The following HEATR5A variants were observed in gnomAD, a reference collection of about 807,000 sequenced individuals.
HEATR5A encodes HEAT repeat-containing protein 5A.
A neutral mutation model predicts 218.8 loss-of-function variants in HEATR5A; 178 were observed. The observed-to-expected ratio is 0.81, with a 90% CI of 0.72 to 0.92. The LOEUF is 0.92. HEATR5A is among the 40% of genes least tolerant of loss of function. HEATR5A has a pLI of 0.00. For synonymous variants in HEATR5A, 864 were observed against 871.6 expected (o/e 0.99, Z 0.15); for missense variants, 2,420 against 2,418.9 (o/e 1.00, Z -0.01).
intron 33 of HEATR5A, chr14:31,297,083 CGA>C (rs949791024): frequency 6.6e-6 from 1 of 152,036 alleles, no homozygotes; most frequent in African/African-American, 2.4e-5. Context: ...GTCAGGGGTT[CGA>C]GACCAGCCTG....
intron 24 of HEATR5A, among the ~76,000 whole-genome samples, chr14:31,322,414 T>C (rs1441723662): frequency 6.6e-6 from 1 of 152,180 alleles, no homozygotes; most frequent in Non-Finnish European, 1.5e-5. Context: ...AATAAATGCA[T>C]ACTTAAAAAT....
chr14:31,336,427 A>G (rs953994779), intron 22 of HEATR5A, among the ~76,000 whole-genome samples: 1 of 151,636 alleles, frequency 6.6e-6, no homozygotes, highest in Non-Finnish European at 1.5e-5. Flanking sequence ...GACCTAAAAC[A>G]GTCCTCTCGC....
chr14:31,415,372 A>ACATAC (rs1423524926), intron 1 of HEATR5A, among the ~76,000 whole-genome samples: 79 of 152,294 alleles, frequency 5.2e-4, no homozygotes, highest in African/African-American at 1.8e-3. Context: ...AATACAGTAA[A>ACATAC]CATACCATCT....
At chr14:31,369,608 C>CAA (rs71430951) in intron 13 of HEATR5A, among the ~76,000 whole-genome samples, 13,294 of 45,106 alleles carry the variant, frequency 0.29, 3,758 homozygotes, top group Non-Finnish European at 0.36. Context: ...AAAACTGTCT[C>CAA]AAAAAAAAAA....
intron 1 of HEATR5A, among the ~76,000 whole-genome samples, chr14:31,405,908 A>G (rs888204761): frequency 1.3e-5 from 2 of 152,238 alleles, no homozygotes; most frequent in African/African-American, 4.8e-5. Context: ...TTGAGATCAT[A>G]AGCAGGTCAT....
intron 1 of HEATR5A, among the ~76,000 whole-genome samples, chr14:31,418,049 A>G (rs888528866): frequency 1.3e-5 from 2 of 151,526 alleles, no homozygotes; most frequent in Non-Finnish European, 2.9e-5. Flanking sequence ...CTCTACTAAA[A>G]ATACAAAAAT....
chr14:31,358,608 C>T (rs1463002859), intron 16 of HEATR5A, 29 bp downstream of exon 16: 2 of 1,589,394 alleles, frequency 1.3e-6, no homozygotes, highest in African/African-American at 1.3e-5. Context: ...TCTCTATTAT[C>T]CATTCACTGA....
chr14:31,409,522 A>C (rs1392254123), intron 1 of HEATR5A, among the ~76,000 whole-genome samples: 3 of 152,088 alleles, frequency 2.0e-5, no homozygotes, highest in African/African-American at 7.2e-5. Context: ...CAACATGGCA[A>C]AACCCTGTCT....
intron 14 of HEATR5A, among the ~76,000 whole-genome samples, chr14:31,360,978 G>A (rs1013596681): frequency 7.2e-5 from 11 of 152,068 alleles, no homozygotes; most frequent in African/African-American, 2.2e-4. Flanking sequence ...TACTTAATAC[G>A]TGTTGGGAAA....
chr14:31,318,946 C>T (rs1007397328), intron 25 of HEATR5A, among the ~76,000 whole-genome samples: 2 of 152,280 alleles, frequency 1.3e-5, no homozygotes, highest in South Asian at 2.1e-4. Context: ...AGAGAGCCAT[C>T]TTGATATCAC....
chr14:31,326,396 T>A, intron 22 of HEATR5A, 54 bp from the exon 23 acceptor site: 1 of 1,273,270 alleles, frequency 7.9e-7, no homozygotes, highest in Admixed American at 2.1e-5. Context: ...AACTACCATA[T>A]CAGAAGCTCA....
chr14:31,419,618 A>AT, intron 1 of HEATR5A, among the ~76,000 whole-genome samples: 2 of 152,268 alleles, frequency 1.3e-5, no homozygotes, highest in Non-Finnish European at 2.9e-5. Context: ...ATGAATGCAC[A>AT]TAAAAACAAT....
In HEATR5A at chr14:31,292,852, A is replaced by G. The variant is rs1407446840; in HGVS notation, c.*453T>C. 2 of 153,736 alleles carry G rather than the reference A, an allele frequency of 1.3e-5. No individual in the cohort carries two copies. The highest frequency in any genetic ancestry group is 6.5e-5 in the Admixed American group (1 of 15,470). The allele number at this position is 153,736 out of a possible 1,614,324, so 9.5% of individuals were successfully genotyped here. A position where few individuals can be genotyped will look rare whatever the true frequency, so the allele number is the denominator to read the frequency against. ...CGCCTTGGCCTTCCAAAGTGCTGGAATTACAGGGATGAGCCACTGTGCCGG... is the reference window on the plus strand; with the variant it reads ...CGCCTTGGCCTTCCAAAGTGCTGGAGTTACAGGGATGAGCCACTGTGCCGG... On this transcript the variant is annotated 3_prime_UTR_variant, in exon 36 of 36. Coordinates refer to ENST00000543095, the MANE Select transcript of HEATR5A (RefSeq NM_015473.4).
chr14:31,353,511 G>A (rs1901305395), intron 16 of HEATR5A, among the ~76,000 whole-genome samples: 1 of 152,102 alleles, frequency 6.6e-6, no homozygotes, highest in African/African-American at 2.4e-5. Flanking sequence ...AGAGGCAGGA[G>A]GATCGCTTGA....
At chr14:31,344,874 C>T (rs1216932319) in intron 20 of HEATR5A, among the ~76,000 whole-genome samples, 1 of 152,170 alleles carries the variant, frequency 6.6e-6, no homozygotes, top group African/African-American at 2.4e-5. Flanking sequence ...GTCATTTTAA[C>T]TGTTAAGGAA....
chr14:31,369,711 T>G (rs1306178143), intron 13 of HEATR5A, among the ~76,000 whole-genome samples: 2 of 147,750 alleles, frequency 1.4e-5, no homozygotes, highest in Non-Finnish European at 3.0e-5. Context: ...GTTTATCACC[T>G]GAGGTCAGGA....
chr14:31,328,012 G>A (rs1160567550), intron 22 of HEATR5A, among the ~76,000 whole-genome samples: 1 of 152,074 alleles, frequency 6.6e-6, no homozygotes, highest in African/African-American at 2.4e-5. Context: ...GGAGTACAGT[G>A]GCACAATCTC....
At position 31,349,958 on chromosome 14, in the gene HEATR5A, A is replaced by G; in HGVS notation, c.2539T>C (p.Cys847Arg). 1 of 1,591,942 alleles carries G rather than the reference A, an allele frequency of 6.3e-7. No homozygotes were observed. The highest frequency in any genetic ancestry group is 2.3e-5 in the East Asian group (1 of 44,400). Residue 847 changes from cysteine (C) to arginine (R), a missense_variant, in exon 18 of 36, where the codon TGT becomes CGT. Cys to Arg is a radical substitution (Grantham distance 180). Transcript: ENST00000543095. ...FLKYVAGSKG[C>R]LGPEEMKRFA... The stretch of plus-strand genomic sequence containing the variant: ...CTTTTCATTTCTTCTGGACCTAAAC[A>G]TCCCTTGGAGCCAGCCACGTACTGA...
chr14:31,386,343 G>A (rs1324446463), intron 9 of HEATR5A, 77 bp downstream of exon 9: 20 of 1,026,766 alleles, frequency 1.9e-5, no homozygotes, highest in Non-Finnish European at 2.7e-5. Context: ...CTATAAGTAA[G>A]CTATATGAAG....
Sources: allele counts gnomAD v4.1 joint callset (sites outside exome capture counted in the v4.1 genomes callset), GRCh38; gene constraint gnomAD v4.1.1; transcripts MANE v1.5; gene names NCBI Gene and HGNC (gene_info 2026-07-23, HGNC 2026-07-21).